CCDC66: variants seen among roughly 807,000 people sequenced by gnomAD.
CCDC66 encodes the protein coiled-coil domain-containing protein 66.
In CCDC66, 133 loss-of-function variants were observed where a neutral mutation model predicts 128.3. The ratio of observed to expected loss-of-function variants is 1.04; its 90% CI spans 0.90 to 1.20. The LOEUF (loss-of-function observed/expected upper bound fraction) is 1.20, where lower values mean the gene tolerates loss of function less well. CCDC66 is among the 50% of genes most tolerant of loss of function. CCDC66 has a pLI of 0.00. For synonymous variants in CCDC66, 387 were observed against 357.0 expected, an observed-to-expected ratio of 1.08 and a Z score of -0.95; for missense variants, 1,126 against 1,075.5, an observed-to-expected ratio of 1.05 and a Z score of -0.66.
rs760840438 is a variant in CCDC66 at position 56,564,972 on chromosome 3, C to T, written c.544+847C>T. 8.5e-5 allele frequency among the ~76,000 whole-genome samples: 13 copies of T among 152,274 alleles called. 1 individual carries two copies. Among genetic ancestry groups the T allele is most frequent in the Admixed American group, 2.0e-4 (3 of 15,290 alleles). On this transcript the variant is annotated intron_variant, in intron 4 of 17. Coordinates refer to ENST00000394672, the MANE Select transcript of CCDC66 (RefSeq NM_001141947.3). ...GCAACAACCTGCTTATTAGGCATAA[C>T]GAGAAATCATATCAACAAAGTTAAA...
At chr3:56,583,994 C>T (rs1422150890) in intron 7 of CCDC66, among the ~76,000 whole-genome samples, 8 of 76,132 alleles carry the variant, frequency 1.1e-4, no homozygotes, top group African/African-American at 2.6e-4. Context: ...CCCTCCCGGA[C>T]GGGGCGGCTG....
chr3:56,586,830 G>A (rs1231163769), intron 7 of CCDC66, among the ~76,000 whole-genome samples: 1 of 151,794 alleles, frequency 6.6e-6, no homozygotes, highest in Non-Finnish European at 1.5e-5. Context: ...AAGAGTAGCT[G>A]CCTTGAGCCA....
At position 56,583,278 on chromosome 3, in the gene CCDC66, G is replaced by A. The variant is rs150786272; in HGVS notation, c.937-9692G>A. ...CATACATATTTAGGAAGAGCCCCTC[G>A]TATGGCATAGTTAAGAGGTTTTTGT... On this transcript the variant is annotated intron_variant, in intron 7 of 17. Transcript: ENST00000394672. Among the ~76,000 whole-genome samples, 520 of 152,024 alleles carry A rather than the reference G, an allele frequency of 3.4e-3. 2 individuals carry two copies. Among genetic ancestry groups the A allele is most frequent in the Middle Eastern group, 6.8e-3 (2 of 294 alleles).
intron 6 of CCDC66, 51 bp downstream of exon 6, chr3:56,567,104 T>C: frequency 6.9e-7 from 1 of 1,439,430 alleles, no homozygotes; most frequent in African/African-American, 1.4e-5. Context: ...AAAGAATATG[T>C]ATTGAAGCCG....
chr3:56,584,448 C>G (rs2069186585), intron 7 of CCDC66, among the ~76,000 whole-genome samples: 1 of 151,358 alleles, frequency 6.6e-6, no homozygotes, highest in Admixed American at 6.7e-5. Context: ...CCTCACCTCC[C>G]AGACGGGGTC....
At position 56,564,031 on chromosome 3, in the gene CCDC66, G is replaced by A. The variant is rs781246405; in HGVS notation, c.450G>A (p.Val150=). ...CTGAAAACATGAAGAGCAGTTTGGT[G>A]TGTCTAACACAAGACCAACTACAAC... is the stretch of plus-strand genomic sequence containing the variant. ...ITAENMKSSL[V]CLTQDQLQQI... Residue 150 remains valine, a synonymous_variant, in exon 4 of 18, where the codon GTG becomes GTA. Transcript: ENST00000394672. 2.5e-6 allele frequency: 4 copies of A among 1,613,988 alleles called. No individual in the cohort carries two copies. The highest frequency in any genetic ancestry group is 4.5e-5 in the East Asian group (2 of 44,828).
chr3:56,607,899 G>T (rs2074287055), intron 10 of CCDC66, among the ~76,000 whole-genome samples: 1 of 152,178 alleles, frequency 6.6e-6, no homozygotes, highest in Admixed American at 6.5e-5. Flanking sequence ...AGATGATCAT[G>T]TGATTTTTGT....
In CCDC66 at chr3:56,571,312, C is replaced by T; in HGVS notation, c.936+10C>T. On this transcript the variant is annotated intron_variant, in intron 7 of 17. Transcript: ENST00000394672. ...TCTTGACCAATCTAGGGTAAGACAT[C>T]TTAATTGCAATTTTTAAAATACTAA... 1 of 1,466,448 alleles carries T rather than the reference C, an allele frequency of 6.8e-7. No homozygotes were observed. 90.8% of individuals were successfully genotyped at this position (1,466,448 alleles called of 1,614,324 possible). A position where few individuals can be genotyped will look rare whatever the true frequency, so the allele number is the denominator to read the frequency against.
rs190938531 is a variant in CCDC66, at chr3:56,597,749, T to G, written c.1404+3721T>G. On this transcript the variant is annotated intron_variant, in intron 10 of 17. Transcript: ENST00000394672. ...TGAATTTATTGATCAGATGTGAGGT[T>G]TTTGTGGAGTCTAGGTTTTGTTTTG... Among the ~76,000 whole-genome samples, 7 of 149,818 alleles carry G rather than the reference T, an allele frequency of 4.7e-5. No homozygotes were observed. The East Asian group carries it at 9.8e-4, about 21-fold the overall frequency.
At chr3:56,595,569 G>T (rs966836702) in intron 10 of CCDC66, among the ~76,000 whole-genome samples, 1 of 152,186 alleles carries the variant, frequency 6.6e-6, no homozygotes, top group Non-Finnish European at 1.5e-5. Flanking sequence ...TGCTGTAAAT[G>T]ACAAGATTCT....
chr3:56,618,108 A>C, intron 14 of CCDC66, 64 bp from the exon 15 acceptor site: 1 of 1,277,016 alleles, frequency 7.8e-7, no homozygotes, highest in Non-Finnish European at 1.1e-6. Flanking sequence ...AGCCCTAAAA[A>C]TATTTGTGGG....
rs753303042 is a variant in CCDC66, at chr3:56,619,342, T to TA, written c.2456dup (p.Asn819LysfsTer3). Reference sequence around the variant, plus strand: ...ACTCAAAATACATTACATTTACCACTAAAAAACAGTAGCTATGAGAGAGAG... The same window carrying TA: ...ACTCAAAATACATTACATTTACCACTAAAAAAACAGTAGCTATGAGAGAGAG... On this transcript the variant is annotated frameshift_variant, in exon 16 of 18. Transcript: ENST00000394672. LOFTEE classifies it high-confidence loss of function. 1.3e-5 allele frequency: 21 copies of TA among 1,613,572 alleles called. No individual in the cohort carries two copies. In the African/African-American group the frequency reaches 2.0e-4, roughly 15 times the overall value.
chr3:56,620,679 T>TAA (rs1186397595), intron 17 of CCDC66: 3 of 152,180 alleles, frequency 2.0e-5, no homozygotes, highest in African/African-American at 7.2e-5. Flanking sequence ...GAGTTTTACA[T>TAA]AAGTTATTTC....
chr3:56,619,925 T>C, intron 17 of CCDC66, 24 bp downstream of exon 17: 15 of 1,610,620 alleles, frequency 9.3e-6, no homozygotes, highest in Non-Finnish European at 1.3e-5. Context: ...CAAGTGTAGA[T>C]ATGTCTGTTC....
intron 5 of CCDC66, 53 bp from the exon 6 acceptor site, chr3:56,566,897 G>C: frequency 6.6e-7 from 1 of 1,520,102 alleles, no homozygotes; most frequent in Non-Finnish European, 9.1e-7. Context: ...TATGGAGTCA[G>C]TTGTGTAGAA....
At chr3:56,580,952 G>A (rs1453763920) in intron 7 of CCDC66, among the ~76,000 whole-genome samples, 1 of 151,710 alleles carries the variant, frequency 6.6e-6, no homozygotes, top group Non-Finnish European at 1.5e-5. Context: ...TTGAATGTTG[G>A]CCTGCCTTGC....
intron 10 of CCDC66, 152 bp downstream of exon 10, chr3:56,594,180 C>T (rs2071434980): frequency 2.9e-6 from 2 of 691,308 alleles, no homozygotes; most frequent in Non-Finnish European, 5.0e-6. Context: ...CCACAACTGG[C>T]ATTGTAATAT....
rs561905190 is a variant in CCDC66, at chr3:56,560,132, T to A, written c.102+538T>A. On this transcript the variant is annotated intron_variant, in intron 3 of 17. Transcript: ENST00000394672. ...TTGTAGCATGCATTTAGCATTTTCCTTTAAAAGGTTGCACTTGAGCTTAAG... is the reference window on the plus strand; with the variant it reads ...TTGTAGCATGCATTTAGCATTTTCCATTAAAAGGTTGCACTTGAGCTTAAG... 4.6e-5 allele frequency among the ~76,000 whole-genome samples: 7 copies of A among 152,390 alleles called. No homozygotes were observed. The South Asian group carries it at 1.4e-3, about 32-fold the overall frequency.
Position 56,603,024 on chromosome 3 carries a change from A to AC in CCDC66, c.1404+8997dup, listed in dbSNP as rs2073463944. ...TAATTTTTTGTATTTTTTAGTAGAG[A>AC]CGGGGTTTCACCGTGTTAGCCAGGA... On this transcript the variant is annotated intron_variant, in intron 10 of 17. Transcript: ENST00000394672. Among the ~76,000 whole-genome samples the AC allele has an allele frequency of 2.6e-5, 4 of 151,474 alleles. No homozygotes were observed. In the South Asian group the frequency reaches 8.4e-4, roughly 32 times the overall value.
Sources: gnomAD v4.1 joint callset for allele counts (sites outside exome capture counted in the v4.1 genomes callset) on GRCh38, gnomAD v4.1.1 for gene constraint, MANE v1.5 for transcripts, NCBI Gene and HGNC (gene_info 2026-07-23, HGNC 2026-07-21) for gene names.